The following BBS9 variants were observed in gnomAD, a reference collection of about 807,000 sequenced individuals.
BBS9 encodes the protein protein PTHB1.
A neutral mutation model predicts 117.7 loss-of-function variants in BBS9; 89 were observed. The observed-to-expected ratio is 0.76, with a 90% CI of 0.64 to 0.90. The LOEUF (loss-of-function observed/expected upper bound fraction) is 0.90, where lower values mean the gene tolerates loss of function less well. BBS9 is among the 40% of genes least tolerant of loss of function. The pLI is 0.00. For synonymous variants in BBS9, 379 were observed against 370.9 expected (o/e 1.02, Z -0.25); for missense variants, 982 against 1,042.2 (o/e 0.94, Z 0.80).
chr7:33,491,075 C>G (rs1334819294), intron 19 of BBS9, among the ~76,000 whole-genome samples: 1 of 152,104 alleles, frequency 6.6e-6, no homozygotes, highest in Non-Finnish European at 1.5e-5. Flanking sequence ...TAGGTCCTAC[C>G]TAGGAAGTAT....
At chr7:33,166,766 G>GT (rs1795765023) in intron 4 of BBS9, among the ~76,000 whole-genome samples, 2 of 152,210 alleles carry the variant, frequency 1.3e-5, no homozygotes, top group Admixed American at 6.5e-5. Context: ...GGAGTGTCCC[G>GT]TTTTTCCACG....
At chr7:33,165,943 C>T (rs1304370151) in intron 4 of BBS9, among the ~76,000 whole-genome samples, 1 of 152,200 alleles carries the variant, frequency 6.6e-6, no homozygotes, top group East Asian at 1.9e-4. Flanking sequence ...TTCAGCTTTT[C>T]TGCTCTGGTT....
chr7:33,557,425 C>G (rs748399042), intron 21 of BBS9, among the ~76,000 whole-genome samples: 6 of 152,132 alleles, frequency 3.9e-5, no homozygotes, highest in Non-Finnish European at 8.8e-5. Flanking sequence ...CCAGAAACAT[C>G]ACTTAATTTG....
intron 5 of BBS9, among the ~76,000 whole-genome samples, chr7:33,256,304 T>C (rs765965518): frequency 2.0e-5 from 3 of 152,232 alleles, no homozygotes; most frequent in Non-Finnish European, 2.9e-5. Context: ...AATTTTTATC[T>C]CTCTAAAAGA....
intron 19 of BBS9, among the ~76,000 whole-genome samples, chr7:33,420,955 A>T (rs1172060625): frequency 6.6e-6 from 1 of 152,160 alleles, no homozygotes; most frequent in Non-Finnish European, 1.5e-5. Context: ...TTGCATCCGT[A>T]TCATCGAGGC....
chr7:33,470,402 AT>A (rs888788106), intron 19 of BBS9, among the ~76,000 whole-genome samples: 3 of 151,672 alleles, frequency 2.0e-5, no homozygotes, highest in Admixed American at 1.3e-4. Context: ...TAAAATATAT[AT>A]TTTTTTCTAT....
chr7:33,553,732 C>G (rs182668836), intron 21 of BBS9, among the ~76,000 whole-genome samples: 119 of 152,192 alleles, frequency 7.8e-4, no homozygotes, highest in African/African-American at 2.6e-3. Flanking sequence ...AGAATATTTA[C>G]TCATGAATAG....
chr7:33,304,486 C>T (rs377212094), intron 9 of BBS9, among the ~76,000 whole-genome samples: 5 of 150,040 alleles, frequency 3.3e-5, no homozygotes, highest in Admixed American at 6.6e-5. Flanking sequence ...AAATGAGGAG[C>T]GCCTCTGCCT....
intron 19 of BBS9, among the ~76,000 whole-genome samples, chr7:33,461,710 G>A (rs1362913827): frequency 6.6e-6 from 1 of 151,934 alleles, no homozygotes; most frequent in Non-Finnish European, 1.5e-5. Flanking sequence ...CTTTATTTAT[G>A]GAGTTAATAA....
intron 19 of BBS9, among the ~76,000 whole-genome samples, chr7:33,408,564 C>T (rs890696131): frequency 6.6e-6 from 1 of 152,212 alleles, no homozygotes; most frequent in African/African-American, 2.4e-5. Context: ...GGAGCTGTTC[C>T]TATTCGGCCA....
At chr7:33,271,452 A>G (rs1799781322) in intron 7 of BBS9, among the ~76,000 whole-genome samples, 1 of 152,200 alleles carries the variant, frequency 6.6e-6, no homozygotes, top group African/African-American at 2.4e-5. Context: ...ACACAATTGT[A>G]TGCTGCCTTC....
chr7:33,193,732 CCT>C (rs532373693), intron 5 of BBS9, among the ~76,000 whole-genome samples: 145 of 152,162 alleles, frequency 9.5e-4, no homozygotes, highest in Non-Finnish European at 1.8e-3. Flanking sequence ...TGGCTTCAAC[CCT>C]CTCTTTTGTG....
intron 19 of BBS9, among the ~76,000 whole-genome samples, chr7:33,499,733 G>C (rs1274781096): frequency 6.6e-6 from 1 of 152,058 alleles, no homozygotes; most frequent in Admixed American, 6.5e-5. Context: ...TCTGTACTCT[G>C]GTCTTATTTT....
intron 20 of BBS9, 134 bp from the exon 21 acceptor site, chr7:33,533,820 A>G: frequency 9.4e-7 from 1 of 1,069,040 alleles, no homozygotes. Flanking sequence ...CTAGTCTGGA[A>G]TATTCCAGAT....
At chr7:33,154,996 C>T (rs1793896750) in intron 3 of BBS9, among the ~76,000 whole-genome samples, 1 of 152,198 alleles carries the variant, frequency 6.6e-6, no homozygotes, top group Non-Finnish European at 1.5e-5. Flanking sequence ...TCCTTGAAAA[C>T]TGAATTTAGG....
At chr7:33,221,688 T>C (rs1790264410) in intron 5 of BBS9, among the ~76,000 whole-genome samples, 1 of 152,202 alleles carries the variant, frequency 6.6e-6, no homozygotes, top group Admixed American at 6.5e-5. Flanking sequence ...GTTCCTATAC[T>C]AGAGTGAATT....
intron 21 of BBS9, among the ~76,000 whole-genome samples, chr7:33,540,973 A>C (rs1852198309): frequency 6.6e-6 from 1 of 152,202 alleles, no homozygotes; most frequent in Admixed American, 6.5e-5. Context: ...TTTTACAATG[A>C]GACAGGTTTC....
At chr7:33,421,816 G>A (rs1427839008) in intron 19 of BBS9, among the ~76,000 whole-genome samples, 2 of 152,104 alleles carry the variant, frequency 1.3e-5, no homozygotes, top group Non-Finnish European at 2.9e-5. Flanking sequence ...GAAAGGACAT[G>A]GTTGGTACCT....
intron 19 of BBS9, among the ~76,000 whole-genome samples, chr7:33,492,967 A>G (rs926903420): frequency 1.3e-5 from 2 of 151,230 alleles, no homozygotes; most frequent in Non-Finnish European, 3.0e-5. Context: ...AAGTTGCTTA[A>G]CCCCTCTGCT....
Sources: gnomAD v4.1 joint callset for allele counts (sites outside exome capture counted in the v4.1 genomes callset) on GRCh38, gnomAD v4.1.1 for gene constraint, MANE v1.5 for transcripts, NCBI Gene and HGNC (gene_info 2026-07-23, HGNC 2026-07-21) for gene names.